The following PER2 variants were observed in gnomAD, a reference collection of about 807,000 sequenced individuals.
PER2 encodes the protein period circadian regulator 2, also known as period circadian protein homolog 2.
PER2 carries 66 observed loss-of-function variants against 121.0 expected under a neutral mutation model. That is an observed-to-expected ratio of 0.55 (90% confidence interval 0.45 to 0.67). The LOEUF (loss-of-function observed/expected upper bound fraction) is 0.67. PER2 is among the 30% of genes least tolerant of loss of function. The pLI is 0.00. For synonymous variants in PER2, 684 were observed against 659.9 expected (o/e 1.04, Z -0.56); for missense variants, 1,521 against 1,635.0 (o/e 0.93, Z 1.20).
chr2:238,270,604 A>T (rs766361904), intron 6 of PER2, among the ~76,000 whole-genome samples: 4 of 152,166 alleles, frequency 2.6e-5, no homozygotes, highest in Non-Finnish European at 5.9e-5. Context: ...GGGGCACAGG[A>T]GGCCCTGAGG....
upstream of PER2, among the ~76,000 whole-genome samples, chr2:238,292,559 G>A (rs144265553): frequency 6.6e-6 from 1 of 152,296 alleles, no homozygotes; most frequent in African/African-American, 2.4e-5. Flanking sequence ...GTTCCACCCT[G>A]GGGGAGGAAG....
chr2:238,252,842 A>T lies in PER2; in HGVS notation c.3111+70T>A. On this transcript the variant is annotated intron_variant, in intron 19 of 22. Coordinates refer to ENST00000254657, the MANE Select transcript of PER2 (RefSeq NM_022817.3). This position sits in a 1 kb window ranked among gnomAD's most constrained non-coding sequence, Gnocchi z 4.2. ...TGTAACCCCCATGTCTGAACTGAGG[A>T]TGTGCGGCCGGCCTGCCAGGTGTGC... 1 of 1,308,828 alleles carries T rather than the reference A, an allele frequency of 7.6e-7. No individual in the cohort carries two copies. The highest frequency in any genetic ancestry group is 2.3e-5 in the East Asian group (1 of 43,612). 81.1% of individuals were successfully genotyped at this position (1,308,828 alleles called of 1,614,324 possible).
At chr2:238,257,619 A>G (rs939410866) in intron 16 of PER2, among the ~76,000 whole-genome samples, 2 of 152,186 alleles carry the variant, frequency 1.3e-5, no homozygotes, top group Non-Finnish European at 2.9e-5. Flanking sequence ...GATTACAGGC[A>G]TGCACCATGA....
chr2:238,281,634 TAGAA>T (rs1696631968), intron 1 of PER2, among the ~76,000 whole-genome samples: 7 of 152,178 alleles, frequency 4.6e-5, no homozygotes, highest in Admixed American at 4.6e-4. Flanking sequence ...TGTGAACTTG[TAGAA>T]AGAGGCTCAA....
rs561295173 is a variant in PER2, at chr2:238,280,644, C to T, written c.-19-2689G>A. On this transcript the variant is annotated intron_variant, in intron 1 of 22. Transcript: ENST00000254657. The stretch of plus-strand genomic sequence containing the variant: ...AAAATGGCTTCAGTGATAGGAGATG[C>T]GTGACAGACTTTTAAAATGCAAAGG... 3.9e-4 allele frequency among the ~76,000 whole-genome samples: 60 copies of T among 152,122 alleles called. 1 individual carries two copies. Among genetic ancestry groups the T allele is most frequent in the Admixed American group, 5.2e-4 (8 of 15,286 alleles).
At chr2:238,281,642 G>A (rs554760648) in intron 1 of PER2, among the ~76,000 whole-genome samples, 1 of 152,318 alleles carries the variant, frequency 6.6e-6, no homozygotes, top group Admixed American at 6.5e-5. Context: ...TGTAGAAAGA[G>A]GCTCAACCTC....
Position 238,275,784 on chromosome 2 carries a change from G to A in PER2, c.407C>T (p.Ala136Val). ...KKAKGKASTL[A>V]TLKYALRSVK... ...GCTCCTGAGGGCGTACTTCAAGGTG[G>A]CCAGCGTACTGGCCTTGCCCTTGGC... Residue 136 changes from alanine to valine, a missense_variant, in exon 4 of 23, where the codon GCC becomes GTC. Transcript: ENST00000254657. The A allele has an allele frequency of 6.2e-7, 1 of 1,614,218 alleles. No homozygotes were observed. Among genetic ancestry groups the A allele is most frequent in the Non-Finnish European group, 8.5e-7 (1 of 1,180,014 alleles).
chr2:238,283,267 G>C (rs962260894), intron 1 of PER2, among the ~76,000 whole-genome samples: 1 of 152,218 alleles, frequency 6.6e-6, no homozygotes, highest in Non-Finnish European at 1.5e-5. Flanking sequence ...CCAAGGGGGT[G>C]AGCACCCAGC....
intron 3 of PER2, 64 bp downstream of exon 3, chr2:238,277,067 C>T: frequency 8.1e-7 from 1 of 1,230,116 alleles, no homozygotes; most frequent in Non-Finnish European, 1.2e-6. Flanking sequence ...AGAAAACTAA[C>T]CTCCAATAAG....
In PER2 at chr2:238,262,300, AC is replaced by A; in HGVS notation, c.1197del (p.Arg401AlafsTer39). 1 of 1,613,934 alleles carries A rather than the reference AC, an allele frequency of 6.2e-7. No individual in the cohort carries two copies. The highest frequency in any genetic ancestry group is 8.5e-7 in the Non-Finnish European group (1 of 1,179,948). On this transcript the variant is annotated frameshift_variant, in exon 11 of 23. Coordinates refer to ENST00000254657, the MANE Select transcript of PER2 (RefSeq NM_022817.3). LOFTEE classifies it high-confidence loss of function. ...GGQPFDYSPI[R>X]FRARNGEYIT... is the part of the protein sequence containing the mutation. ...ATGTACTCTCCGTTCCGGGCGCGAA[AC>A]CGAATGGGAGAATAGTCGAAAGGCT...
At chr2:238,262,106 T>C in intron 11 of PER2, 85 bp downstream of exon 11, 2 of 1,313,560 alleles carry the variant, frequency 1.5e-6, no homozygotes, top group Non-Finnish European at 2.2e-6. Context: ...AGCCCCTCCC[T>C]ATGCCATCTG....
chr2:238,252,865 T>C lies in PER2; in HGVS notation c.3111+47A>G. ...GGATGTGCGGCCGGCCTGCCAGGTG[T>C]GCTGTTTGCTGCCTGCTTTGGGGAA... On this transcript the variant is annotated intron_variant, in intron 19 of 22. Transcript: ENST00000254657. The surrounding 1 kb of genome is among the most constrained non-coding windows in gnomAD (Gnocchi z 4.2). The C allele has an allele frequency of 6.6e-7, 1 of 1,525,956 alleles. No individual in the cohort carries two copies. The highest frequency in any genetic ancestry group is 9.1e-7 in the Non-Finnish European group (1 of 1,103,300). 94.5% of individuals were successfully genotyped at this position (1,525,956 alleles called of 1,614,324 possible).
At position 238,262,216 on chromosome 2, in the gene PER2, T is replaced by C. The variant is rs751815788; in HGVS notation, c.1282A>G (p.Ile428Val). The C allele has an allele frequency of 3.1e-6, 5 of 1,613,976 alleles. No individual in the cohort carries two copies. Among genetic ancestry groups the C allele is most frequent in the South Asian group, 1.1e-5 (1 of 91,062 alleles). ...INPWSRKISF[I>V]IGRHKVRVGP... is the part of the protein sequence containing the mutation. Reference sequence around the variant, plus strand: ...ACCCTGACTTTGTGCCTCCCAATGATGAAGGAGATTTTCCTGCTCCATGGG... The same window carrying C: ...ACCCTGACTTTGTGCCTCCCAATGACGAAGGAGATTTTCCTGCTCCATGGG... The change falls in exon 11 of 23, where the codon ATC (isoleucine) becomes GTC (valine). Residue 428 changes from isoleucine (I) to valine (V), a missense_variant. Coordinates refer to ENST00000254657, the MANE Select transcript of PER2 (RefSeq NM_022817.3).
chr2:238,274,121 A>C (rs959785008), intron 4 of PER2, among the ~76,000 whole-genome samples: 1 of 152,364 alleles, frequency 6.6e-6, no homozygotes, highest in Non-Finnish European at 1.5e-5. Flanking sequence ...AAACATTTGA[A>C]AGAAAGTTTT....
rs768660672 is a variant in PER2, at chr2:238,277,866, C to G, written c.71G>C (p.Ser24Thr). Residue 24 changes from serine to threonine, a missense_variant, in exon 2 of 23, where the codon AGC (serine) becomes ACC (threonine). Ser to Thr is a moderately conservative substitution (Grantham distance 58). Coordinates refer to ENST00000254657, the MANE Select transcript of PER2 (RefSeq NM_022817.3). ...CACATCTTCCTGCAGTGGGACCTGG[C>G]TGGGCTGGGGCTCCACGGGCTCCTT... is the stretch of plus-strand genomic sequence containing the variant. ...PTKEPVEPQP[S>T]QVPLQEDVDM... 6.2e-7 allele frequency: 1 copy of G among 1,614,206 alleles called. No homozygotes were observed. Among genetic ancestry groups the G allele is most frequent in the Non-Finnish European group, 8.5e-7 (1 of 1,180,042 alleles).
rs1054205794 is a variant in PER2 at position 238,255,886 on chromosome 2, C to T, written c.2091G>A (p.Gly697=). The T allele has an allele frequency of 1.2e-6, 2 of 1,614,228 alleles. No homozygotes were observed. Among genetic ancestry groups the T allele is most frequent in the Admixed American group, 3.3e-5 (2 of 60,036 alleles). The change falls in exon 18 of 23, where the codon GGG becomes GGA. Residue 697 remains glycine (G), a synonymous_variant. Transcript: ENST00000254657. ...CCGCCAGGCAGTCCAGGGATTCTGG[C>T]CCACTCGCAGCATCTTCCACCATCT... is the stretch of plus-strand genomic sequence containing the variant. ...ELEMVEDAAS[G]PESLDCLAGP... is the part of the protein sequence containing the mutation.
chr2:238,253,316 C>T lies in PER2; in HGVS notation c.2707G>A (p.Val903Ile), dbSNP rs35333999. The T allele has an allele frequency of 0.037, 59,766 of 1,613,532 alleles. 1,215 individuals are homozygous for T. Among genetic ancestry groups the T allele is most frequent in the Non-Finnish European group, 0.044 (51,467 of 1,179,680 alleles). The change falls in exon 19 of 23, where the codon GTC (valine) becomes ATC (isoleucine). Residue 903 changes from valine (V) to isoleucine (I), a missense_variant. Transcript: ENST00000254657. The surrounding 1 kb of genome is among the most constrained non-coding windows in gnomAD (Gnocchi z 5.6). Reference protein sequence around the residue: ...PPPFPAPLAPVMAFMLPSYSF... With the variant: ...PPPFPAPLAPIMAFMLPSYSF... ...TAACTGGGTAGCATGAATGCCATGA[C>T]AGGCGCCAAAGGGGCAGGGAAAGGT...
chr2:238,288,623 G>A (rs1168596354), upstream of PER2: 1 of 150,562 alleles, frequency 6.6e-6, no homozygotes, highest in African/African-American at 2.4e-5. Flanking sequence ...AGCCGCAGCG[G>A]GGCCGCGCCG....
chr2:238,275,613 C>T (rs1696427716), intron 4 of PER2, 130 bp downstream of exon 4: 1 of 1,017,416 alleles, frequency 9.8e-7, no homozygotes. Flanking sequence ...CGCTTAAGCC[C>T]AGAAGTCAAG....
Sources: gnomAD v4.1 joint callset for allele counts (sites outside exome capture counted in the v4.1 genomes callset) on GRCh38, gnomAD v4.1.1 for gene constraint, Gnocchi (gnomAD v3.1) non-coding constraint, MANE v1.5 for transcripts, NCBI Gene and HGNC (gene_info 2026-07-23, HGNC 2026-07-21) for gene names.